The following HS6ST3 variants were observed in gnomAD, a reference collection of about 807,000 sequenced individuals.
HS6ST3 encodes the protein heparan-sulfate 6-O-sulfotransferase 3.
HS6ST3 carries 12 observed loss-of-function variants against 36.7 expected under a neutral mutation model. The ratio of observed to expected loss-of-function variants is 0.33; its 90% confidence interval spans 0.21 to 0.53. The LOEUF is 0.53. Ranked by LOEUF, HS6ST3 falls within the 20% of genes least tolerant of loss-of-function variation. The pLI is 0.95. For synonymous variants in HS6ST3, 240 were observed against 257.5 expected (o/e 0.93, Z 0.65); for missense variants, 584 against 640.9 (o/e 0.91, Z 0.96).
chr13:96,562,175 A>T (rs2138955979), intron 1 of HS6ST3, among the ~76,000 whole-genome samples: 1 of 152,352 alleles, frequency 6.6e-6, no homozygotes, highest in Non-Finnish European at 1.5e-5. Context: ...GTACATATAC[A>T]ACATGGGATA....
chr13:96,674,225 C>A (rs538513867), intron 1 of HS6ST3, among the ~76,000 whole-genome samples: 1 of 152,028 alleles, frequency 6.6e-6, no homozygotes, highest in Non-Finnish European at 1.5e-5. Context: ...CCTGCTCCCC[C>A]CATGTAAAAC....
At chr13:96,574,930 A>T (rs2056315413) in intron 1 of HS6ST3, among the ~76,000 whole-genome samples, 1 of 152,210 alleles carries the variant, frequency 6.6e-6, no homozygotes, top group African/African-American at 2.4e-5. Flanking sequence ...AATGGAGACC[A>T]ACAAGAAACA....
intron 1 of HS6ST3, among the ~76,000 whole-genome samples, chr13:96,227,464 C>T (rs1566294228): frequency 6.6e-6 from 1 of 152,222 alleles, no homozygotes. Context: ...TCAAGTTCTA[C>T]ATCTCCCGTT....
intron 1 of HS6ST3, among the ~76,000 whole-genome samples, chr13:96,687,561 T>G (rs1046582586): frequency 6.6e-6 from 1 of 151,958 alleles, no homozygotes; most frequent in Non-Finnish European, 1.5e-5. Context: ...AACTCACATA[T>G]AAGCAGATCT....
chr13:96,500,053 G>A (rs2055996671), intron 1 of HS6ST3, among the ~76,000 whole-genome samples: 1 of 152,126 alleles, frequency 6.6e-6, no homozygotes. Context: ...ACTGCACAAA[G>A]GAGCCGTATA....
intron 1 of HS6ST3, among the ~76,000 whole-genome samples, chr13:96,731,087 G>T (rs1303634851): frequency 1.3e-5 from 2 of 152,110 alleles, no homozygotes; most frequent in Non-Finnish European, 2.9e-5. Flanking sequence ...TCATTTTTGT[G>T]ATGAGAACAC....
Position 96,545,018 on chromosome 13 carries a change from T to TA in HS6ST3, c.708-287465dup, listed in dbSNP as rs1222218880. Among the ~76,000 whole-genome samples the TA allele has an allele frequency of 1.4e-4, 22 of 152,192 alleles. No homozygotes were observed. The East Asian group carries it at 4.1e-3, about 28-fold the overall frequency. On this transcript the variant is annotated intron_variant, in intron 1 of 1. Coordinates refer to ENST00000376705, the MANE Select transcript of HS6ST3 (RefSeq NM_153456.4). ...GGGAATCAGATGAGTGTTTATTAAC[T>TA]AAAAAAATAGAAAATGCGCTCCTTG...
chr13:96,320,051 G>A (rs2054995792), intron 1 of HS6ST3, among the ~76,000 whole-genome samples: 1 of 151,860 alleles, frequency 6.6e-6, no homozygotes, highest in Non-Finnish European at 1.5e-5. Context: ...TTTTCTTTCT[G>A]CATGCTGGTG....
intron 1 of HS6ST3, among the ~76,000 whole-genome samples, chr13:96,435,113 C>T (rs1458920421): frequency 6.6e-6 from 1 of 152,142 alleles, no homozygotes; most frequent in East Asian, 1.9e-4. Flanking sequence ...CCTTGAAGCA[C>T]TCTGGAAATT....
intron 1 of HS6ST3, among the ~76,000 whole-genome samples, chr13:96,438,023 G>T (rs997218933): frequency 6.6e-6 from 1 of 152,228 alleles, no homozygotes; most frequent in East Asian, 1.9e-4. Context: ...CAGTGAACTC[G>T]CTGGGGGACA....
At chr13:96,643,609 C>T (rs1195333857) in intron 1 of HS6ST3, among the ~76,000 whole-genome samples, 5 of 151,786 alleles carry the variant, frequency 3.3e-5, no homozygotes, top group Non-Finnish European at 7.4e-5. Flanking sequence ...TTTGTGAAAG[C>T]TCATTGGGTG....
intron 1 of HS6ST3, among the ~76,000 whole-genome samples, chr13:96,698,768 C>T (rs994592085): frequency 1.3e-5 from 2 of 152,186 alleles, no homozygotes; most frequent in Non-Finnish European, 2.9e-5. Flanking sequence ...TCATATGGAA[C>T]CAAAAAAGAG....
chr13:96,360,140 T>C (rs940938887), intron 1 of HS6ST3, among the ~76,000 whole-genome samples: 3 of 152,036 alleles, frequency 2.0e-5, no homozygotes, highest in East Asian at 3.9e-4. Flanking sequence ...AAATAGGAAC[T>C]AGCCCTGTCA....
At chr13:96,270,156 C>T (rs923378977) in intron 1 of HS6ST3, among the ~76,000 whole-genome samples, 1 of 151,850 alleles carries the variant, frequency 6.6e-6, no homozygotes, top group Non-Finnish European at 1.5e-5. Flanking sequence ...TGTGCTCTGT[C>T]TCTTTGCACT....
At chr13:96,429,487 T>A (rs1314003987) in intron 1 of HS6ST3, among the ~76,000 whole-genome samples, 1 of 152,246 alleles carries the variant, frequency 6.6e-6, no homozygotes, top group Non-Finnish European at 1.5e-5. Context: ...TTTACTAATG[T>A]AAATTTAGAA....
At chr13:96,576,880 G>A (rs1461464179) in intron 1 of HS6ST3, among the ~76,000 whole-genome samples, 1 of 136,796 alleles carries the variant, frequency 7.3e-6, no homozygotes, top group East Asian at 2.3e-4. Flanking sequence ...GGAGGCAAAG[G>A]TTGCAGTGAG....
intron 1 of HS6ST3, among the ~76,000 whole-genome samples, chr13:96,176,998 C>T (rs1168427690): frequency 2.0e-5 from 3 of 152,094 alleles, no homozygotes; most frequent in East Asian, 1.9e-4. Context: ...GACATACACG[C>T]GGCCAACTAG....
intron 1 of HS6ST3, among the ~76,000 whole-genome samples, chr13:96,506,617 G>GGA (rs1472223324): frequency 6.6e-6 from 1 of 152,094 alleles, no homozygotes; most frequent in East Asian, 1.9e-4. Flanking sequence ...ATCAGTGAAT[G>GGA]GAGAGAGAGA....
At chr13:96,506,828 G>A (rs1227734831) in intron 1 of HS6ST3, among the ~76,000 whole-genome samples, 1 of 152,156 alleles carries the variant, frequency 6.6e-6, no homozygotes, top group East Asian at 1.9e-4. Context: ...AATTCCTGCT[G>A]CTGAAATGGA....
Sources: allele counts gnomAD v4.1 joint callset (sites outside exome capture counted in the v4.1 genomes callset), GRCh38; gene constraint gnomAD v4.1.1; transcripts MANE v1.5; gene names NCBI Gene and HGNC (gene_info 2026-07-23, HGNC 2026-07-21).